NALCN: variants seen among roughly 807,000 people sequenced by gnomAD.
The protein encoded by NALCN is sodium leak channel, non-selective, also known as sodium leak channel NALCN.
In NALCN, 111 loss-of-function variants were observed where a neutral mutation model predicts 225.3. The observed-to-expected ratio is 0.49, with a 90% CI of 0.42 to 0.58. The LOEUF is 0.58. Among genes scored for constraint, NALCN ranks in the 20% least tolerant of loss-of-function variants. NALCN has a pLI of 0.00. For synonymous variants in NALCN, 764 were observed against 769.0 expected (o/e 0.99, Z 0.11); for missense variants, 1,378 against 2,202.4 (o/e 0.63, Z 7.49).
At position 101,143,062 on chromosome 13, in the gene NALCN, C is replaced by A. The variant is rs549999097; in HGVS notation, c.2118+18G>T. ...GATGCTTTTTAGAAGCCTGGTTATT[C>A]GAAACAGCAGATCTTACTTTTTGGT... is the stretch of plus-strand genomic sequence containing the variant. On this transcript the variant is annotated intron_variant, in intron 17 of 43. Transcript: ENST00000251127. 2 of 1,613,970 alleles carry A rather than the reference C, an allele frequency of 1.2e-6. No homozygotes were observed. The highest frequency in any genetic ancestry group is 1.7e-6 in the Non-Finnish European group (2 of 1,179,946).
At chr13:101,124,027 T>C (rs571488667) in intron 18 of NALCN, among the ~76,000 whole-genome samples, 1 of 152,240 alleles carries the variant, frequency 6.6e-6, no homozygotes, top group African/African-American at 2.4e-5. Context: ...TAAATGCCTA[T>C]GTGTTTTTAT....
At chr13:101,408,025 T>C (rs967348187) in intron 1 of NALCN, among the ~76,000 whole-genome samples, 2 of 152,214 alleles carry the variant, frequency 1.3e-5, no homozygotes, top group African/African-American at 2.4e-5. Context: ...TGAAACTGAG[T>C]TTTGGAGAAG....
intron 20 of NALCN, 83 bp downstream of exon 20, chr13:101,110,536 G>T (rs2035371040): frequency 7.0e-7 from 1 of 1,436,042 alleles, no homozygotes; most frequent in Non-Finnish European, 9.8e-7. Flanking sequence ...GCAGCAGAAA[G>T]ACACTGGGCA....
intron 6 of NALCN, among the ~76,000 whole-genome samples, chr13:101,374,394 G>T (rs2046627852): frequency 6.7e-6 from 1 of 150,078 alleles, no homozygotes; most frequent in East Asian, 2.0e-4. Flanking sequence ...TCTTGTCTCA[G>T]CCTCCCGATC....
intron 14 of NALCN, among the ~76,000 whole-genome samples, chr13:101,190,259 CAT>C (rs2039629863): frequency 6.6e-6 from 1 of 152,172 alleles, no homozygotes. Flanking sequence ...TATTCCCTGA[CAT>C]AGATGATTTC....
chr13:101,393,508 G>T (rs1427117615), intron 3 of NALCN, among the ~76,000 whole-genome samples: 2 of 152,162 alleles, frequency 1.3e-5, no homozygotes, highest in African/African-American at 4.8e-5. Flanking sequence ...AAAATTTTTT[G>T]CAGGATGTGA....
At chr13:101,411,826 T>G (rs1198534123) in intron 1 of NALCN, among the ~76,000 whole-genome samples, 1 of 152,224 alleles carries the variant, frequency 6.6e-6, no homozygotes, top group East Asian at 1.9e-4. Flanking sequence ...CCTCATTTTT[T>G]TTTACTGATA....
At chr13:101,197,354 A>G (rs1266447872) in intron 13 of NALCN, among the ~76,000 whole-genome samples, 4 of 151,250 alleles carry the variant, frequency 2.6e-5, no homozygotes, top group Admixed American at 2.6e-4. Context: ...CTTTCCTCCT[A>G]GCTGCTATTC....
At chr13:101,310,381 G>A (rs1468373908) in intron 7 of NALCN, among the ~76,000 whole-genome samples, 1 of 152,104 alleles carries the variant, frequency 6.6e-6, no homozygotes, top group Admixed American at 6.5e-5. Flanking sequence ...CATATGAGGA[G>A]GAGAGCATGG....
intron 42 of NALCN, among the ~76,000 whole-genome samples, chr13:101,059,592 G>A (rs2031665255): frequency 6.6e-6 from 1 of 150,950 alleles, no homozygotes; most frequent in African/African-American, 2.4e-5. Flanking sequence ...ATTCATATGA[G>A]TCAGACTCTT....
At chr13:101,212,979 G>A (rs563613458) in intron 13 of NALCN, among the ~76,000 whole-genome samples, 19 of 152,008 alleles carry the variant, frequency 1.2e-4, no homozygotes, top group Admixed American at 4.6e-4. Context: ...AAAAGAGCCC[G>A]CATTGCCAAG....
intron 11 of NALCN, among the ~76,000 whole-genome samples, chr13:101,254,618 G>A (rs1456696170): frequency 2.2e-5 from 3 of 133,424 alleles, no homozygotes; most frequent in East Asian, 4.1e-4. Context: ...GTGGCCGGGC[G>A]CGGTGGCTCA....
intron 6 of NALCN, among the ~76,000 whole-genome samples, chr13:101,371,362 A>T (rs9557630): frequency 6.6e-6 from 1 of 152,030 alleles, no homozygotes; most frequent in Non-Finnish European, 1.5e-5. Context: ...TCTATCACCC[A>T]GGCTGGAGTG....
intron 13 of NALCN, among the ~76,000 whole-genome samples, chr13:101,220,570 T>A (rs557515793): frequency 6.6e-6 from 1 of 152,334 alleles, no homozygotes; most frequent in African/African-American, 2.4e-5. Context: ...CTCCTTCTAG[T>A]CACTTCACAC....
At chr13:101,415,206 C>CATATATATATATATAT (rs1278371508) in intron 1 of NALCN, among the ~76,000 whole-genome samples, 10,366 of 104,220 alleles carry the variant, frequency 0.099, 868 homozygotes, top group Non-Finnish European at 0.13. Context: ...ACAAATCACA[C>CATATATATATATATAT]ACATATATAT....
chr13:101,246,868 G>A (rs1440666781), intron 11 of NALCN, among the ~76,000 whole-genome samples: 2 of 152,092 alleles, frequency 1.3e-5, no homozygotes, highest in African/African-American at 4.8e-5. Context: ...TGTCTTCAGA[G>A]GAATGCAGAA....
At chr13:101,065,710 G>T in intron 39 of NALCN, 149 bp from the exon 40 acceptor site, 1 of 934,506 alleles carries the variant, frequency 1.1e-6, no homozygotes, top group Non-Finnish European at 1.6e-6. Flanking sequence ...CTTGGAGCCT[G>T]GTAGAATTAA....
chr13:101,332,951 T>C (rs2045239773), intron 7 of NALCN, among the ~76,000 whole-genome samples: 1 of 152,210 alleles, frequency 6.6e-6, no homozygotes, highest in African/African-American at 2.4e-5. Context: ...GATCCATCGT[T>C]TCTTCTAAAT....
At chr13:101,339,045 C>T (rs7329144) in intron 7 of NALCN, among the ~76,000 whole-genome samples, 13,506 of 152,168 alleles carry the variant, frequency 0.089, 1,988 homozygotes, top group African/African-American at 0.3. Context: ...ATCACAGTGT[C>T]GCCTCTTTTA....
Sources: allele counts gnomAD v4.1 joint callset (sites outside exome capture counted in the v4.1 genomes callset), GRCh38; gene constraint gnomAD v4.1.1; transcripts MANE v1.5; gene names NCBI Gene and HGNC (gene_info 2026-07-23, HGNC 2026-07-21).